The following STX8 variants were observed in gnomAD, a reference collection of about 807,000 sequenced individuals.
The protein encoded by STX8 is syntaxin 8, also known as syntaxin-8.
Under a neutral mutation model 37.5 loss-of-function variants are expected in STX8, and 23 were observed. That is an observed-to-expected ratio of 0.61 (90% CI 0.44 to 0.87). STX8 has a LOEUF of 0.87. Ranked by LOEUF, STX8 falls within the 40% of genes least tolerant of loss-of-function variation. The probability of loss-of-function intolerance (pLI) is 0.00; values close to 1 mark genes in which losing one functional copy is unlikely to be tolerated. For synonymous variants in STX8, 115 were observed against 99.1 expected, an observed-to-expected ratio of 1.16 and a Z score of -0.95; for missense variants, 313 against 284.7, an observed-to-expected ratio of 1.10 and a Z score of -0.71.
chr17:9,455,584 G>C (rs549003497), intron 6 of STX8, among the ~76,000 whole-genome samples: 1 of 152,016 alleles, frequency 6.6e-6, no homozygotes, highest in Non-Finnish European at 1.5e-5. Flanking sequence ...GCACAGCAAG[G>C]AAAATATTTT....
intron 6 of STX8, among the ~76,000 whole-genome samples, chr17:9,429,137 T>C (rs1408520533): frequency 6.6e-6 from 1 of 151,826 alleles, no homozygotes; most frequent in Non-Finnish European, 1.5e-5. Flanking sequence ...AACAGTTTTA[T>C]TGAGACATAA....
rs372583167 is a variant in STX8 at position 9,535,790 on chromosome 17, C to T, written c.323+9382G>A. On this transcript the variant is annotated intron_variant, in intron 4 of 7. Transcript: ENST00000306357. ...GATATACTTTCACATATGCAAAATC[C>T]CTCTACTATATTTTTGTAATAGAAA... Among the ~76,000 whole-genome samples the T allele has an allele frequency of 2.0e-5, 3 of 152,018 alleles. No individual in the cohort carries two copies. In the East Asian group the frequency reaches 5.8e-4, roughly 29 times the overall value.
At chr17:9,368,414 G>C (rs1911299605) in intron 7 of STX8, among the ~76,000 whole-genome samples, 1 of 152,168 alleles carries the variant, frequency 6.6e-6, no homozygotes, top group African/African-American at 2.4e-5. Flanking sequence ...TGAGGCAGGA[G>C]AATGGCATGA....
chr17:9,566,594 C>A (rs138984797), intron 2 of STX8, among the ~76,000 whole-genome samples: 1,612 of 152,160 alleles, frequency 0.011, 27 homozygotes, highest in African/African-American at 0.036. Context: ...CGAGACAAGC[C>A]TGGCCAACAT....
intron 4 of STX8, among the ~76,000 whole-genome samples, chr17:9,518,377 A>G (rs1480191913): frequency 1.3e-5 from 2 of 151,762 alleles, no homozygotes; most frequent in African/African-American, 2.4e-5. Context: ...CCCCCTTTCC[A>G]TGAATCCTCT....
intron 7 of STX8, among the ~76,000 whole-genome samples, chr17:9,350,199 C>T (rs139040412): frequency 2.0e-3 from 285 of 140,472 alleles, no homozygotes; most frequent in African/African-American, 6.7e-3. Flanking sequence ...GCGTATACAG[C>T]GTGGATACGC....
chr17:9,316,642 C>A (rs1376157568), intron 7 of STX8, among the ~76,000 whole-genome samples: 1 of 152,180 alleles, frequency 6.6e-6, no homozygotes, highest in Non-Finnish European at 1.5e-5. Context: ...TCTGCCTGTT[C>A]ATTGTATCCT....
At chr17:9,313,873 A>G (rs1597599208) in intron 7 of STX8, among the ~76,000 whole-genome samples, 1 of 152,092 alleles carries the variant, frequency 6.6e-6, no homozygotes, top group African/African-American at 2.4e-5. Context: ...CTCGTGATCC[A>G]CCTGCCTCGG....
At chr17:9,284,970 A>T (rs926584418) in intron 7 of STX8, among the ~76,000 whole-genome samples, 2 of 152,182 alleles carry the variant, frequency 1.3e-5, no homozygotes, top group African/African-American at 4.8e-5. Flanking sequence ...GGTTTCCAGC[A>T]GGGAACCTTG....
At chr17:9,360,153 C>A (rs1484435116) in intron 7 of STX8, among the ~76,000 whole-genome samples, 1 of 151,662 alleles carries the variant, frequency 6.6e-6, no homozygotes, top group Admixed American at 6.6e-5. Context: ...AGGGGGAACA[C>A]CAAGTATTTC....
intron 7 of STX8, among the ~76,000 whole-genome samples, chr17:9,269,220 A>T (rs1907360483): frequency 6.6e-6 from 1 of 151,592 alleles, no homozygotes; most frequent in Non-Finnish European, 1.5e-5. Flanking sequence ...TTTGAGGCCC[A>T]AGGAGTCACT....
rs556052138 is a variant in STX8 at position 9,291,541 on chromosome 17, T to A, written c.644-40896A>T. Among the ~76,000 whole-genome samples, 7 of 152,318 alleles carry A rather than the reference T, an allele frequency of 4.6e-5. No homozygotes were observed. In the South Asian group the frequency reaches 1.4e-3, roughly 32 times the overall value. On this transcript the variant is annotated intron_variant, in intron 7 of 7. Transcript: ENST00000306357. ...CCTTTCTGTGTTGGTTTTCCAAGAT[T>A]CTATCCTCAGTGCTAAATTTAATGC...
chr17:9,406,085 T>C (rs954516303), intron 6 of STX8, among the ~76,000 whole-genome samples: 1 of 152,214 alleles, frequency 6.6e-6, no homozygotes, highest in Admixed American at 6.5e-5. Context: ...GACGGCTTCA[T>C]GTATTTCCTT....
chr17:9,357,747 G>A (rs2142254923), intron 7 of STX8, among the ~76,000 whole-genome samples: 1 of 152,156 alleles, frequency 6.6e-6, no homozygotes, highest in Admixed American at 6.5e-5. Flanking sequence ...AAATACTCCA[G>A]AAGTCTTAAT....
chr17:9,409,176 C>T (rs746164756), intron 6 of STX8, among the ~76,000 whole-genome samples: 4 of 151,736 alleles, frequency 2.6e-5, no homozygotes, highest in Admixed American at 6.6e-5. Context: ...AACAAGATAT[C>T]ACCTATGCCC....
At chr17:9,413,777 C>A (rs1028947370) in intron 6 of STX8, among the ~76,000 whole-genome samples, 3 of 152,132 alleles carry the variant, frequency 2.0e-5, no homozygotes, top group African/African-American at 7.2e-5. Context: ...AAGCTGACTG[C>A]CAACACAGAT....
intron 6 of STX8, among the ~76,000 whole-genome samples, chr17:9,490,937 T>C (rs1194993413): frequency 2.0e-5 from 3 of 152,072 alleles, no homozygotes; most frequent in Non-Finnish European, 4.4e-5. Flanking sequence ...TGTGTGGAGA[T>C]GAAATGAAAT....
chr17:9,271,974 C>T (rs991644244), intron 7 of STX8, among the ~76,000 whole-genome samples: 1 of 152,112 alleles, frequency 6.6e-6, no homozygotes, highest in Admixed American at 6.5e-5. Flanking sequence ...AAGTCACTGT[C>T]CTGGGGGCAA....
intron 4 of STX8, among the ~76,000 whole-genome samples, chr17:9,523,173 A>T (rs1905423633): frequency 6.6e-6 from 1 of 151,572 alleles, no homozygotes; most frequent in Admixed American, 6.6e-5. Flanking sequence ...TTAGCCAGGC[A>T]TGGTGGCATG....
Sources: gnomAD v4.1 joint callset for allele counts (sites outside exome capture counted in the v4.1 genomes callset) on GRCh38, gnomAD v4.1.1 for gene constraint, MANE v1.5 for transcripts, NCBI Gene and HGNC (gene_info 2026-07-23, HGNC 2026-07-21) for gene names.